The following EYS variants were observed in gnomAD, a reference collection of about 807,000 sequenced individuals.
EYS encodes the protein protein eyes shut homolog.
EYS carries 250 observed loss-of-function variants against 282.1 expected under a neutral mutation model. The observed-to-expected ratio is 0.89, with a 90% CI of 0.80 to 0.98. The LOEUF is 0.98. Ranked by LOEUF, EYS falls within the 50% of genes least tolerant of loss-of-function variation. The pLI, the probability that EYS is intolerant of heterozygous loss-of-function variation, is 0.00. For missense variants in EYS, 4,016 were observed against 3,709.0 expected (o/e 1.08, Z -2.15); for synonymous variants, 1,355 against 1,282.9 (o/e 1.06, Z -1.20).
chr6:64,529,595 T>TAAATGA (rs1554170698), intron 26 of EYS, among the ~76,000 whole-genome samples: 1 of 151,618 alleles, frequency 6.6e-6, no homozygotes, highest in Non-Finnish European at 1.5e-5. Context: ...ACTATAAGAA[T>TAAATGA]TGAATGATGC....
chr6:63,773,900 A>G (rs1287311751), intron 40 of EYS, among the ~76,000 whole-genome samples: 1 of 152,180 alleles, frequency 6.6e-6, no homozygotes, highest in Non-Finnish European at 1.5e-5. Context: ...TGTTCCAAGT[A>G]TGTTCAGTTT....
At chr6:64,661,513 T>A (rs1263858604) in intron 22 of EYS, among the ~76,000 whole-genome samples, 1 of 152,074 alleles carries the variant, frequency 6.6e-6, no homozygotes, top group Non-Finnish European at 1.5e-5. Context: ...ATATCCAGAA[T>A]CTAAAATGAA....
At chr6:64,542,374 A>G (rs990780994) in intron 26 of EYS, among the ~76,000 whole-genome samples, 10 of 152,076 alleles carry the variant, frequency 6.6e-5, no homozygotes, top group African/African-American at 2.2e-4. Context: ...ACTAGCATAC[A>G]TAGTTTATAT....
intron 5 of EYS, among the ~76,000 whole-genome samples, chr6:65,436,559 A>G (rs1385866911): frequency 6.6e-6 from 1 of 152,172 alleles, no homozygotes; most frequent in Non-Finnish European, 1.5e-5. Context: ...AACCAGATCA[A>G]TATCTTCCCT....
intron 19 of EYS, among the ~76,000 whole-genome samples, chr6:64,875,809 G>A (rs1391439316): frequency 1.3e-5 from 2 of 151,784 alleles, no homozygotes; most frequent in African/African-American, 4.8e-5. Context: ...ATTTATCTGA[G>A]GCCAATTACT....
chr6:64,530,973 C>T (rs1764309832), intron 26 of EYS, among the ~76,000 whole-genome samples: 1 of 152,072 alleles, frequency 6.6e-6, no homozygotes, highest in Admixed American at 6.6e-5. Flanking sequence ...TGACACCCCA[C>T]CTCTAACCTT....
intron 29 of EYS, among the ~76,000 whole-genome samples, chr6:64,309,961 G>GA (rs11359232): frequency 9.0e-4 from 119 of 132,610 alleles, no homozygotes; most frequent in South Asian, 4.2e-3. Flanking sequence ...AAGACTCCAT[G>GA]AAAAAAAAAA....
intron 12 of EYS, among the ~76,000 whole-genome samples, chr6:65,141,292 C>T (rs375000536): frequency 7.9e-5 from 12 of 151,782 alleles, no homozygotes; most frequent in East Asian, 3.9e-4. Flanking sequence ...AATTGAACAA[C>T]GAGAACACAT....
chr6:64,164,363 T>C (rs181709601), intron 31 of EYS, among the ~76,000 whole-genome samples: 74 of 152,228 alleles, frequency 4.9e-4, no homozygotes, highest in African/African-American at 1.7e-3. Context: ...CAAAAGTTGT[T>C]GGATTTAGAT....
intron 30 of EYS, among the ~76,000 whole-genome samples, chr6:64,239,332 G>A (rs1029410030): frequency 6.6e-6 from 1 of 152,178 alleles, no homozygotes; most frequent in African/African-American, 2.4e-5. Context: ...TCACCACACT[G>A]TCTTCCACAA....
intron 12 of EYS, among the ~76,000 whole-genome samples, chr6:65,146,623 T>C (rs945040651): frequency 3.3e-5 from 5 of 151,966 alleles, no homozygotes; most frequent in African/African-American, 1.2e-4. Flanking sequence ...TCCTAGTGTT[T>C]TCTTTTTGCA....
intron 41 of EYS, among the ~76,000 whole-genome samples, chr6:63,731,201 A>G (rs1407017048): frequency 6.6e-6 from 1 of 152,180 alleles, no homozygotes; most frequent in African/African-American, 2.4e-5. Flanking sequence ...ATCCTTATAT[A>G]TATCCTCAAG....
Position 65,312,732 on chromosome 6 carries a change from G to A in EYS, c.1767-16613C>T, listed in dbSNP as rs530947067. Reference sequence around the variant, plus strand: ...CTATTGGCTTTTTCTTTTCTCTATGGTCACAGTTATCACAGTATGCTCTCA... The same window carrying A: ...CTATTGGCTTTTTCTTTTCTCTATGATCACAGTTATCACAGTATGCTCTCA... On this transcript the variant is annotated intron_variant, in intron 11 of 42. Transcript: ENST00000503581. 2.0e-5 allele frequency among the ~76,000 whole-genome samples: 3 copies of A among 152,164 alleles called. No homozygotes were observed. In the South Asian group the frequency reaches 6.2e-4, roughly 32 times the overall value.
intron 22 of EYS, among the ~76,000 whole-genome samples, chr6:64,812,498 A>T (rs1021884448): frequency 6.6e-6 from 1 of 152,126 alleles, no homozygotes; most frequent in Non-Finnish European, 1.5e-5. Context: ...TAGGCAAAAC[A>T]TGCCCTAGAT....
At chr6:65,245,780 T>G (rs1443331702) in intron 12 of EYS, among the ~76,000 whole-genome samples, 2 of 152,204 alleles carry the variant, frequency 1.3e-5, no homozygotes, top group Non-Finnish European at 1.5e-5. Flanking sequence ...AACAACAACT[T>G]TTTTGTTGTT....
intron 2 of EYS, among the ~76,000 whole-genome samples, chr6:65,639,038 A>G (rs35462659): frequency 0.082 from 12,409 of 152,254 alleles, 653 homozygotes; most frequent in South Asian, 0.15. Context: ...GACAAAACAA[A>G]TAGTAACATG....
chr6:65,570,059 T>C (rs1413686100), intron 2 of EYS, among the ~76,000 whole-genome samples: 1 of 152,076 alleles, frequency 6.6e-6, no homozygotes, highest in Non-Finnish European at 1.5e-5. Flanking sequence ...GTATGGACTC[T>C]TATTCCAACC....
At chr6:63,836,010 G>T (rs1011620762) in intron 36 of EYS, among the ~76,000 whole-genome samples, 2 of 151,974 alleles carry the variant, frequency 1.3e-5, no homozygotes, top group African/African-American at 4.8e-5. Context: ...CCATTATTGG[G>T]CTGTTATGAA....
At chr6:65,620,765 T>C (rs1414169297) in intron 2 of EYS, among the ~76,000 whole-genome samples, 2 of 151,852 alleles carry the variant, frequency 1.3e-5, no homozygotes, top group Non-Finnish European at 2.9e-5. Context: ...TTTGTTCTCA[T>C]TGGTTTCAAA....
Sources: allele counts gnomAD v4.1 joint callset (sites outside exome capture counted in the v4.1 genomes callset), GRCh38; gene constraint gnomAD v4.1.1; transcripts MANE v1.5; gene names NCBI Gene and HGNC (gene_info 2026-07-23, HGNC 2026-07-21).